Variants in TKFC observed in about 807,000 individuals in gnomAD.
TKFC encodes triokinase and FMN cyclase.
In TKFC, 46 loss-of-function variants were observed where a neutral mutation model predicts 61.0. The ratio of observed to expected loss-of-function variants is 0.75; its 90% CI spans 0.60 to 0.96. The LOEUF is 0.96. Among genes scored for constraint, TKFC ranks in the 50% least tolerant of loss-of-function variants. TKFC has a pLI of 0.00. For missense variants in TKFC, 715 were observed against 777.5 expected, an observed-to-expected ratio of 0.92 and a Z score of 0.96; for synonymous variants, 314 against 330.1, an observed-to-expected ratio of 0.95 and a Z score of 0.53.
chr11:61,349,589 C>CA, downstream of TKFC: 1 of 702,986 alleles, frequency 1.4e-6, no homozygotes, highest in Non-Finnish European at 2.6e-6. Flanking sequence ...CTGCCGGTGA[C>CA]AGACACGTAA....
chr11:61,349,174 C>T lies in TKFC; in HGVS notation c.*2671C>T. 1 of 229,872 alleles carries T rather than the reference C, an allele frequency of 4.4e-6. No individual in the cohort carries two copies. Among genetic ancestry groups the T allele is most frequent in the Non-Finnish European group, 9.0e-6 (1 of 110,506 alleles). The allele number at this position is 229,872 out of a possible 1,614,324, so 14.2% of individuals were successfully genotyped here. ...GCAACACTTAGGAGCAAGACCCTTCCCGCTCTCCACCCTATTTCCTCCCCT... is the reference window on the plus strand; with the variant it reads ...GCAACACTTAGGAGCAAGACCCTTCTCGCTCTCCACCCTATTTCCTCCCCT... On this transcript the variant is annotated 3_prime_UTR_variant, in exon 18 of 18. Transcript: ENST00000394900.
intron 7 of TKFC, 106 bp downstream of exon 7, chr11:61,342,018 CTT>C: frequency 8.7e-7 from 1 of 1,143,104 alleles, no homozygotes; most frequent in Admixed American, 2.4e-5. Flanking sequence ...CCCAGGTGGT[CTT>C]AGTATTTTTA....
chr11:61,339,162 C>T lies in TKFC; in HGVS notation c.290C>T (p.Ala97Val), dbSNP rs1219849258. 2 of 1,613,534 alleles carry T rather than the reference C, an allele frequency of 1.2e-6. No individual in the cohort carries two copies. The highest frequency in any genetic ancestry group is 2.7e-5 in the African/African-American group (2 of 74,954). ...ATCCTGGCAGCCATCAGGGCCGTGGCCCAGGCCGGCACAGGTAAGCCTGGC... is the reference window on the plus strand; with the variant it reads ...ATCCTGGCAGCCATCAGGGCCGTGGTCCAGGCCGGCACAGGTAAGCCTGGC... ...GSILAAIRAV[A>V]QAGTVGTLLI... Residue 97 changes from alanine to valine, a missense_variant, in exon 4 of 18, where the codon GCC becomes GTC. Transcript: ENST00000394900.
Position 61,348,833 on chromosome 11 carries a change from C to G in TKFC, c.*2330C>G, listed in dbSNP as rs922721253. 3.3e-5 allele frequency: 5 copies of G among 152,254 alleles called. No homozygotes were observed. Among genetic ancestry groups the G allele is most frequent in the African/African-American group, 9.7e-5 (4 of 41,436 alleles). The allele number at this position is 152,254 out of a possible 1,614,324, so 9.4% of individuals were successfully genotyped here. On this transcript the variant is annotated 3_prime_UTR_variant, in exon 18 of 18. Coordinates refer to ENST00000394900, the MANE Select transcript of TKFC (RefSeq NM_015533.4). Reference sequence around the variant, plus strand: ...GATTCTTAACATATTTAATGAAACTCGAGCTTCATAAACCAGTGAAATGCC... The same window carrying G: ...GATTCTTAACATATTTAATGAAACTGGAGCTTCATAAACCAGTGAAATGCC...
Position 61,345,358 on chromosome 11 carries a change from T to G in TKFC, c.1339T>G (p.Ser447Ala). 6.2e-7 allele frequency: 1 copy of G among 1,601,870 alleles called. No individual in the cohort carries two copies. Among genetic ancestry groups the G allele is most frequent in the Non-Finnish European group, 8.5e-7 (1 of 1,171,036 alleles). ...VLLLEKMGGSSGALYGLFLTA... is the reference protein window; with the variant it reads ...VLLLEKMGGSAGALYGLFLTA... ...GCTCCTGGAGAAGATGGGAGGCTCA[T>G]CTGGGGCGGTGGGTGCCTGGGGGCT... Residue 447 changes from serine to alanine, a missense_variant, in exon 14 of 18, where the codon TCT becomes GCT. Physicochemically the swap from Ser to Ala is moderately conservative, Grantham distance 99. Transcript: ENST00000394900.
At chr11:61,341,655 T>A in intron 6 of TKFC, 141 bp downstream of exon 6, 1 of 1,225,000 alleles carries the variant, frequency 8.2e-7, no homozygotes. Flanking sequence ...CTGGGGGAGC[T>A]CCTGGGGACT....
In TKFC at chr11:61,346,590, A is replaced by T; in HGVS notation, c.*87A>T. On this transcript the variant is annotated 3_prime_UTR_variant, in exon 18 of 18. Coordinates refer to ENST00000394900, the MANE Select transcript of TKFC (RefSeq NM_015533.4). The surrounding 1 kb of genome is among the most constrained non-coding windows in gnomAD (Gnocchi z 4.1). The stretch of plus-strand genomic sequence containing the variant: ...CACTTCCTTCTGCCTTCCAACCCTC[A>T]CCTTCCCCCGGCCTGGCCCCATTGG... 6.7e-7 allele frequency: 1 copy of T among 1,499,482 alleles called. No homozygotes were observed. The highest frequency in any genetic ancestry group is 1.3e-5 in the South Asian group (1 of 76,448). 92.9% of individuals were successfully genotyped at this position (1,499,482 alleles called of 1,614,324 possible).
rs1377692164 is a variant in TKFC at position 61,342,179 on chromosome 11, G to A, written c.655+267G>A. On this transcript the variant is annotated intron_variant, in intron 7 of 17. Transcript: ENST00000394900. ...TTCCCAGGTCCTCCTGTCCCTGCCAGAATACACCCTTCTTTCAACGGCTGT... is the reference window on the plus strand; with the variant it reads ...TTCCCAGGTCCTCCTGTCCCTGCCAAAATACACCCTTCTTTCAACGGCTGT... 1.5e-5 allele frequency: 9 copies of A among 611,434 alleles called. No homozygotes were observed. The East Asian group carries it at 2.5e-4, about 17-fold the overall frequency. 37.9% of individuals were successfully genotyped at this position (611,434 alleles called of 1,614,324 possible). A position where few individuals can be genotyped will look rare whatever the true frequency, so the allele number is the denominator to read the frequency against.
At chr11:61,339,210 G>C in intron 4 of TKFC, 34 bp downstream of exon 4, 1 of 1,612,456 alleles carries the variant, frequency 6.2e-7, no homozygotes, top group Non-Finnish European at 8.5e-7. Context: ...CTGCGGCAGG[G>C]AGGGCACAGT....
intron 7 of TKFC, 42 bp from the exon 8 acceptor site, chr11:61,342,419 C>G (rs998184776): frequency 4.1e-5 from 66 of 1,613,378 alleles, no homozygotes; most frequent in Non-Finnish European, 5.4e-5. Flanking sequence ...GAGCAAATCC[C>G]CAGGCCTTGA....
At chr11:61,350,243 C>T (rs988635232), downstream of TKFC, 12 of 967,394 alleles carry the variant, frequency 1.2e-5, no homozygotes, top group East Asian at 2.6e-5. Context: ...AGCAAGCGGC[C>T]GGAGAGGGCA....
Position 61,342,671 on chromosome 11 carries a change from T to C in TKFC, c.775+13T>C. On this transcript the variant is annotated intron_variant, in intron 9 of 17. Coordinates refer to ENST00000394900, the MANE Select transcript of TKFC (RefSeq NM_015533.4). ...CCTGTGCAGCCCGGTGGGTAGCCTCTCGCCCGCGTCTCCCAACCCCTCCTA... is the reference window on the plus strand; with the variant it reads ...CCTGTGCAGCCCGGTGGGTAGCCTCCCGCCCGCGTCTCCCAACCCCTCCTA... 6.2e-7 allele frequency: 1 copy of C among 1,613,840 alleles called. No homozygotes were observed. Among genetic ancestry groups the C allele is most frequent in the Non-Finnish European group, 8.5e-7 (1 of 1,179,940 alleles).
downstream of TKFC, chr11:61,351,287 T>A: frequency 2.5e-5 from 13 of 518,640 alleles, no homozygotes; most frequent in Admixed American, 5.3e-5. Context: ...ACCCTTTCTT[T>A]TTTTTTTTTT....
intron 1 of TKFC, chr11:61,333,697 G>C: frequency 6.6e-6 from 1 of 152,140 alleles, no homozygotes; most frequent in Non-Finnish European, 1.5e-5. Context: ...CTACAAATTC[G>C]AACCTCAAAC....
At chr11:61,341,662 G>C in intron 6 of TKFC, 148 bp downstream of exon 6, 1 of 1,228,270 alleles carries the variant, frequency 8.1e-7, no homozygotes, top group Non-Finnish European at 1.2e-6. Flanking sequence ...AGCTCCTGGG[G>C]ACTGGTGGCC....
chr11:61,346,493 T>TA lies in TKFC; in HGVS notation c.1718_1719insA (p.Gln574AlafsTer98), dbSNP rs1475982230. ...ATCCTCCGGGCCATCTTGGAGGTCT[T>TA]GCAGAGCTAGGGTGTGTGACTGCCT... On this transcript the variant is annotated frameshift_variant, in exon 18 of 18. Coordinates refer to ENST00000394900, the MANE Select transcript of TKFC (RefSeq NM_015533.4). LOFTEE classifies it high-confidence loss of function. This position sits in a 1 kb window ranked among gnomAD's most constrained non-coding sequence, Gnocchi z 4.1. 3 of 1,606,024 alleles carry TA rather than the reference T, an allele frequency of 1.9e-6. No individual in the cohort carries two copies. The highest frequency in any genetic ancestry group is 2.5e-6 in the Non-Finnish European group (3 of 1,178,078).
At chr11:61,342,536 C>T in intron 8 of TKFC, 38 bp from the exon 9 acceptor site, 5 of 1,613,958 alleles carry the variant, frequency 3.1e-6, no homozygotes, top group Non-Finnish European at 4.2e-6. Context: ...AAGGCCAAGG[C>T]CCCCCAGATG....
Position 61,345,576 on chromosome 11 carries a change from G to A in TKFC, c.1451+11G>A, listed in dbSNP as rs780168739. 3.7e-6 allele frequency: 6 copies of A among 1,612,652 alleles called. No homozygotes were observed. In the South Asian group the frequency reaches 6.6e-5, roughly 18 times the overall value. ...GGAAGCCATGCAGAAGTGAGCCAGA[G>A]CCCTGTGCATCAGACCAGGGGTGGG... On this transcript the variant is annotated intron_variant, in intron 15 of 17. Coordinates refer to ENST00000394900, the MANE Select transcript of TKFC (RefSeq NM_015533.4).
chr11:61,342,305 G>C (rs1856891398), intron 7 of TKFC, 156 bp from the exon 8 acceptor site: 1 of 959,100 alleles, frequency 1.0e-6, no homozygotes, highest in Non-Finnish European at 1.6e-6. Context: ...CAAGCTCCCA[G>C]AGAACAGAGA....
Sources: allele counts gnomAD v4.1 joint callset, GRCh38; gene constraint gnomAD v4.1.1; non-coding constraint Gnocchi (gnomAD v3.1); transcripts MANE v1.5; gene names NCBI Gene and HGNC (gene_info 2026-07-23, HGNC 2026-07-21).